CGGBP1: variants seen among roughly 807,000 people sequenced by gnomAD.
CGGBP1 encodes CGG triplet repeat binding protein 1, also known as CGG triplet repeat-binding protein 1.
Under a neutral mutation model 11.4 loss-of-function variants are expected in CGGBP1, and 4 were observed. The observed-to-expected ratio is 0.35, with a 90% CI of 0.17 to 0.80. CGGBP1 has a LOEUF of 0.80. CGGBP1 is among the 30% of genes least tolerant of loss of function. CGGBP1 has a pLI of 0.52. For synonymous variants in CGGBP1, 76 were observed against 74.1 expected, an observed-to-expected ratio of 1.03 and a Z score of -0.13; for missense variants, 135 against 202.1, an observed-to-expected ratio of 0.67 and a Z score of 2.01.
chr3:88,116,395 C>T (rs988119507), intron 2 of CGGBP1, among the ~76,000 whole-genome samples: 8 of 151,970 alleles, frequency 5.3e-5, no homozygotes, highest in African/African-American at 1.9e-4. Context: ...CGGCTCATGC[C>T]TGTAATCCCA....
chr3:88,108,835 A>T (rs1704905107), intron 2 of CGGBP1, among the ~76,000 whole-genome samples: 1 of 152,170 alleles, frequency 6.6e-6, no homozygotes. Context: ...TTCAGAAAAA[A>T]AAAAAATTGT....
chr3:88,078,682 CTT>C (rs1209361259), intron 2 of CGGBP1, among the ~76,000 whole-genome samples: 1 of 151,960 alleles, frequency 6.6e-6, no homozygotes, highest in Non-Finnish European at 1.5e-5. Context: ...TTTGTTTCTA[CTT>C]TAAAAAAATG....
intron 2 of CGGBP1, among the ~76,000 whole-genome samples, chr3:88,077,922 T>G (rs1308919131): frequency 6.6e-6 from 1 of 152,192 alleles, no homozygotes; most frequent in Non-Finnish European, 1.5e-5. Context: ...CAAAGCCCCT[T>G]GTTTTGTATA....
At chr3:88,131,539 A>G (rs1489403801) in intron 2 of CGGBP1, among the ~76,000 whole-genome samples, 1 of 152,138 alleles carries the variant, frequency 6.6e-6, no homozygotes, top group Admixed American at 6.5e-5. Context: ...AAACCCAGAA[A>G]AACACATTTT....
At chr3:88,064,422 G>A (rs1707080910) in intron 2 of CGGBP1, among the ~76,000 whole-genome samples, 1 of 152,130 alleles carries the variant, frequency 6.6e-6, no homozygotes, top group Non-Finnish European at 1.5e-5. Flanking sequence ...GTGTCCAAAT[G>A]TTCAGTGTCT....
At chr3:88,144,516 A>C (rs1707264535) in intron 1 of CGGBP1, 1 of 152,446 alleles carries the variant, frequency 6.6e-6, no homozygotes, top group Non-Finnish European at 1.5e-5. Context: ...TCCTTGTTGA[A>C]TGTTAAATTA....
chr3:88,053,090 TAA>T lies in CGGBP1; in HGVS notation c.*2381_*2382del, dbSNP rs1011202985. On this transcript the variant is annotated 3_prime_UTR_variant, in exon 4 of 4. Transcript: ENST00000482016. The stretch of plus-strand genomic sequence containing the variant: ...TAGCATCACACTAACACTATATAGT[TAA>T]GATTGAAAACTTCTGTACACACGTT... 4 of 150,912 alleles carry T rather than the reference TAA, an allele frequency of 2.7e-5. No homozygotes were observed. Among genetic ancestry groups the T allele is most frequent in the South Asian group, 2.1e-4 (1 of 4,832 alleles). The allele number at this position is 150,912 out of a possible 1,614,324, so 9.3% of individuals were successfully genotyped here. A position where few individuals can be genotyped will look rare whatever the true frequency, so the allele number is the denominator to read the frequency against.
chr3:88,053,890 A>G lies in CGGBP1; in HGVS notation c.*1583T>C. 6.5e-6 allele frequency: 1 copy of G among 152,716 alleles called. No individual in the cohort carries two copies. The allele number at this position is 152,716 out of a possible 1,614,324, so 9.5% of individuals were successfully genotyped here. A position where few individuals can be genotyped will look rare whatever the true frequency, so the allele number is the denominator to read the frequency against. On this transcript the variant is annotated 3_prime_UTR_variant, in exon 4 of 4. Coordinates refer to ENST00000482016, the MANE Select transcript of CGGBP1 (RefSeq NM_001008390.2). ...TACTTTAACATAACTGAACATGAGG[A>G]AAACAGTTCACATTTTGATAAGTGA...
chr3:88,108,501 G>A (rs2107746734), intron 2 of CGGBP1, among the ~76,000 whole-genome samples: 2 of 152,258 alleles, frequency 1.3e-5, no homozygotes, highest in East Asian at 3.9e-4. Flanking sequence ...GTCCAAAAAT[G>A]TTAAATAGAA....
At chr3:88,059,846 C>T (rs1382553656), upstream of CGGBP1, among the ~76,000 whole-genome samples, 4 of 152,168 alleles carry the variant, frequency 2.6e-5, no homozygotes, top group Admixed American at 6.6e-5. Flanking sequence ...TCTTATGTTT[C>T]CTACCCTGGT....
intron 2 of CGGBP1, among the ~76,000 whole-genome samples, chr3:88,083,772 A>G (rs1641766830): frequency 6.6e-6 from 1 of 152,260 alleles, no homozygotes; most frequent in African/African-American, 2.4e-5. Flanking sequence ...CCTGGCCACC[A>G]TTATGTTAAT....
chr3:88,083,813 A>G (rs941526213), intron 2 of CGGBP1, among the ~76,000 whole-genome samples: 1 of 152,108 alleles, frequency 6.6e-6, no homozygotes, highest in Non-Finnish European at 1.5e-5. Flanking sequence ...AAAAAGAAAA[A>G]AAGTGAAAGA....
intron 2 of CGGBP1, among the ~76,000 whole-genome samples, chr3:88,104,558 G>T (rs1310139886): frequency 1.3e-5 from 2 of 152,186 alleles, no homozygotes; most frequent in Non-Finnish European, 2.9e-5. Context: ...TTGGTTTGTA[G>T]CATGTTTAAA....
chr3:88,072,678 C>T (rs2107618832), intron 2 of CGGBP1, among the ~76,000 whole-genome samples: 1 of 152,176 alleles, frequency 6.6e-6, no homozygotes, highest in East Asian at 1.9e-4. Flanking sequence ...TCCCCCTTAC[C>T]TGTGTTTTAT....
intron 2 of CGGBP1, among the ~76,000 whole-genome samples, chr3:88,065,933 C>T (rs1707172864): frequency 6.6e-6 from 1 of 152,134 alleles, no homozygotes; most frequent in Non-Finnish European, 1.5e-5. Flanking sequence ...CGAGGTTTTA[C>T]CATGATCTGC....
intron 1 of CGGBP1, among the ~76,000 whole-genome samples, chr3:88,149,394 C>A (rs1576367446): frequency 1.3e-5 from 2 of 152,326 alleles, no homozygotes; most frequent in South Asian, 2.1e-4. Context: ...TAAGGCCGAG[C>A]CGGCAACGAG....
chr3:88,114,438 G>A (rs1251616787), intron 2 of CGGBP1, among the ~76,000 whole-genome samples: 2 of 152,076 alleles, frequency 1.3e-5, no homozygotes, highest in Admixed American at 1.3e-4. Context: ...TTTTTCCCTT[G>A]TAAGCAGGGT....
chr3:88,126,650 T>C (rs1254370150), intron 2 of CGGBP1, among the ~76,000 whole-genome samples: 1 of 148,856 alleles, frequency 6.7e-6, no homozygotes, highest in Non-Finnish European at 1.5e-5. Flanking sequence ...GGAATCTCAC[T>C]TCCCTTACAC....
chr3:88,142,511 T>C (rs567751585), intron 1 of CGGBP1: 2 of 152,514 alleles, frequency 1.3e-5, no homozygotes, highest in South Asian at 4.1e-4. Context: ...ATGTGAATAA[T>C]GGTAAAAGCA....
Sources: allele counts gnomAD v4.1 joint callset (sites outside exome capture counted in the v4.1 genomes callset), GRCh38; gene constraint gnomAD v4.1.1; transcripts MANE v1.5; gene names NCBI Gene and HGNC (gene_info 2026-07-23, HGNC 2026-07-21).